CDH12: variants seen among roughly 807,000 people sequenced by gnomAD.
CDH12 encodes the protein cadherin-12.
Under a neutral mutation model 74.1 loss-of-function variants are expected in CDH12, and 41 were observed. That is an observed-to-expected ratio of 0.55 (90% CI 0.43 to 0.72). The LOEUF is 0.72. Ranked by LOEUF, CDH12 falls within the 30% of genes least tolerant of loss-of-function variation. CDH12 has a pLI of 0.00. For missense variants in CDH12, 945 were observed against 977.2 expected (o/e 0.97, Z 0.44); for synonymous variants, 399 against 355.0 (o/e 1.12, Z -1.39).
intron 1 of CDH12, among the ~76,000 whole-genome samples, chr5:22,815,389 G>A (rs998752374): frequency 5.3e-5 from 8 of 152,140 alleles, no homozygotes; most frequent in African/African-American, 1.4e-4. Flanking sequence ...GTAGACTACA[G>A]TAGAGAAAGG....
chr5:21,928,186 C>A (rs189752737), intron 6 of CDH12, among the ~76,000 whole-genome samples: 5 of 151,934 alleles, frequency 3.3e-5, no homozygotes, highest in Admixed American at 3.3e-4. Context: ...TTGAAACCAC[C>A]AAGAATCACA....
intron 3 of CDH12, among the ~76,000 whole-genome samples, chr5:22,335,015 AGCTTCTGCATAGAAAAG>A (rs1030612275): frequency 2.0e-5 from 3 of 152,204 alleles, no homozygotes; most frequent in African/African-American, 7.2e-5. Context: ...CAAGTTAAAA[AGCTTCTGCATAGAAAAG>A]GAAAAAAATC....
rs1491453178 is a variant in CDH12 at position 22,763,288 on chromosome 5, ATG to A, written c.-523+89768_-523+89769del. 7.3e-3 allele frequency among the ~76,000 whole-genome samples: 1,104 copies of A among 152,106 alleles called. 7 individuals are homozygous for A. Among genetic ancestry groups the A allele is most frequent in the African/African-American group, 0.025 (1,054 of 41,544 alleles). Reference sequence around the variant, plus strand: ...TAACATAGTGGGACAGTATATTATTATGTGATACAGTTTTCCTTGTTCAGATA... The same window carrying A: ...TAACATAGTGGGACAGTATATTATTATGATACAGTTTTCCTTGTTCAGATA... On this transcript the variant is annotated intron_variant, in intron 1 of 14. Transcript: ENST00000382254.
intron 1 of CDH12, among the ~76,000 whole-genome samples, chr5:22,581,430 G>A (rs1740097352): frequency 6.6e-6 from 1 of 152,190 alleles, no homozygotes; most frequent in Non-Finnish European, 1.5e-5. Context: ...TGAATGCCCA[G>A]GCAGAAGTTT....
At chr5:22,324,311 A>G (rs958078427) in intron 3 of CDH12, among the ~76,000 whole-genome samples, 1 of 152,104 alleles carries the variant, frequency 6.6e-6, no homozygotes, top group Non-Finnish European at 1.5e-5. Flanking sequence ...CAGCACATAT[A>G]TTTATGTATA....
intron 5 of CDH12, among the ~76,000 whole-genome samples, chr5:22,010,405 A>C (rs1193265845): frequency 6.6e-6 from 1 of 152,134 alleles, no homozygotes; most frequent in African/African-American, 2.4e-5. Context: ...CACCTATATT[A>C]CATGTGTCCC....
Position 22,732,420 on chromosome 5 carries a change from A to G in CDH12, c.-523+120638T>C, listed in dbSNP as rs13190480. Among the ~76,000 whole-genome samples, 4 of 151,426 alleles carry G rather than the reference A, an allele frequency of 2.6e-5. No homozygotes were observed. The Admixed American group carries it at 2.7e-4, about 10-fold the overall frequency. ...TTCAACATATGGATTTGAGAGGGAG[A>G]CAATTCAGTCTATATATACATATGT... On this transcript the variant is annotated intron_variant, in intron 1 of 14. Transcript: ENST00000382254.
At chr5:22,336,186 TC>T (rs1405953398) in intron 3 of CDH12, among the ~76,000 whole-genome samples, 1 of 152,158 alleles carries the variant, frequency 6.6e-6, no homozygotes, top group Non-Finnish European at 1.5e-5. Context: ...CTGATGAAAT[TC>T]CTAAGCAGCA....
chr5:22,112,212 C>T (rs1342637536), intron 4 of CDH12, among the ~76,000 whole-genome samples: 1 of 152,080 alleles, frequency 6.6e-6, no homozygotes, highest in African/African-American at 2.4e-5. Context: ...TTCTAAAAAG[C>T]ACTCTGATGT....
intron 3 of CDH12, among the ~76,000 whole-genome samples, chr5:22,308,853 CAG>C (rs141870636): frequency 0.04 from 5,370 of 135,318 alleles, 396 homozygotes; most frequent in African/African-American, 0.14. Flanking sequence ...CACATACACA[CAG>C]AGAGAGAGAG....
chr5:21,796,437 A>G (rs1225997989), intron 10 of CDH12, among the ~76,000 whole-genome samples: 2 of 152,208 alleles, frequency 1.3e-5, no homozygotes, highest in Middle Eastern at 3.4e-3. Flanking sequence ...CTGAATGCAT[A>G]TCGTTTTCAC....
At chr5:21,846,938 C>T (rs6452005) in intron 7 of CDH12, among the ~76,000 whole-genome samples, 1 of 151,894 alleles carries the variant, frequency 6.6e-6, no homozygotes, top group African/African-American at 2.4e-5. Flanking sequence ...TATGAACTCA[C>T]GGGACTGGCA....
chr5:21,816,971 G>T lies in CDH12; in HGVS notation c.976C>A (p.Gln326Lys), dbSNP rs1748090356. Residue 326 changes from glutamine (Q) to lysine (K), a missense_variant, in exon 9 of 15, where the codon CAA becomes AAA. Physicochemically the swap from Gln to Lys is moderately conservative, Grantham distance 53 (BLOSUM62 1). Transcript: ENST00000382254. ...LFDIVTDEDT[Q>K]EGVIKLKKPL... ...TTTTTCAATTTGATGACTCCCTCTT[G>T]TGTATCCTCATCTGTGACGATGTCA... 1.9e-6 allele frequency: 3 copies of T among 1,608,466 alleles called. No homozygotes were observed. In the East Asian group the frequency reaches 6.8e-5, roughly 36 times the overall value.
intron 1 of CDH12, among the ~76,000 whole-genome samples, chr5:22,735,004 A>G (rs1744613021): frequency 6.6e-6 from 1 of 151,940 alleles, no homozygotes; most frequent in South Asian, 2.1e-4. Flanking sequence ...GCTCAGTTTA[A>G]GGATTCAATT....
At chr5:21,752,849 A>G (rs1359171455) in intron 14 of CDH12, among the ~76,000 whole-genome samples, 1 of 152,024 alleles carries the variant, frequency 6.6e-6, no homozygotes, top group Non-Finnish European at 1.5e-5. Flanking sequence ...GATGTTAAGG[A>G]CCTTAGTTTT....
chr5:22,659,422 A>G (rs6884193), intron 1 of CDH12, among the ~76,000 whole-genome samples: 20,350 of 151,824 alleles, frequency 0.13, 1,843 homozygotes, highest in African/African-American at 0.23. Context: ...TATAGTGTTA[A>G]TGAAATCAAT....
intron 3 of CDH12, among the ~76,000 whole-genome samples, chr5:22,268,747 G>A (rs1736249266): frequency 6.6e-6 from 1 of 152,054 alleles, no homozygotes; most frequent in African/African-American, 2.4e-5. Flanking sequence ...AGAAACATCT[G>A]CCTGGTAAAA....
At chr5:22,000,809 G>T (rs188195860) in intron 5 of CDH12, among the ~76,000 whole-genome samples, 1 of 151,926 alleles carries the variant, frequency 6.6e-6, no homozygotes, top group African/African-American at 2.4e-5. Flanking sequence ...TTCTTCAGCT[G>T]CAAAAGGGTA....
At chr5:22,313,888 G>A (rs1037127619) in intron 3 of CDH12, among the ~76,000 whole-genome samples, 1 of 151,868 alleles carries the variant, frequency 6.6e-6, no homozygotes, top group Non-Finnish European at 1.5e-5. Flanking sequence ...CCAGTGACAG[G>A]TACACTATAA....
Sources: gnomAD v4.1 joint callset for allele counts (sites outside exome capture counted in the v4.1 genomes callset) on GRCh38, gnomAD v4.1.1 for gene constraint, MANE v1.5 for transcripts, NCBI Gene and HGNC (gene_info 2026-07-23, HGNC 2026-07-21) for gene names.